CTU2: variants seen among roughly 807,000 people sequenced by gnomAD.
CTU2 encodes the protein cytosolic thiouridylase subunit 2.
Under a neutral mutation model 64.1 loss-of-function variants are expected in CTU2, and 80 were observed. That is an observed-to-expected ratio of 1.25 (90% CI 1.04 to 1.50). CTU2 has a LOEUF of 1.50. Among genes scored for constraint, CTU2 ranks in the 40% most tolerant of loss-of-function variants. The pLI, the probability that CTU2 is intolerant of heterozygous loss-of-function variation, is 0.00. For missense variants in CTU2, 1,110 were observed against 690.2 expected, an observed-to-expected ratio of 1.61 and a Z score of -6.81; for synonymous variants, 482 against 285.3, an observed-to-expected ratio of 1.69 and a Z score of -6.95.
chr16:88,707,481 T>C (rs1278973707), intron 2 of CTU2, among the ~76,000 whole-genome samples: 2 of 152,040 alleles, frequency 1.3e-5, no homozygotes, highest in Non-Finnish European at 2.9e-5. Flanking sequence ...CCGTGGTGTC[T>C]AGACTGGGAT....
intron 2 of CTU2, 64 bp downstream of exon 2, chr16:88,707,274 A>C: frequency 7.2e-7 from 1 of 1,383,418 alleles, no homozygotes; most frequent in Non-Finnish European, 1.0e-6. Context: ...GGATAGCCGC[A>C]ACTTGTGATG....
At position 88,709,939 on chromosome 16, in the gene CTU2, G is replaced by C. The variant is rs778651340; in HGVS notation, c.145G>C (p.Asp49His). ...VIRAGDAFCRDCFKAFYVHKF... is the reference protein window; with the variant it reads ...VIRAGDAFCRHCFKAFYVHKF... ...CCTCATCTCAGGTCTGTGTTGCAGGGACTGTTTCAAGGCCTTCTACGTCCA... is the reference window on the plus strand; with the variant it reads ...CCTCATCTCAGGTCTGTGTTGCAGGCACTGTTTCAAGGCCTTCTACGTCCA... The change falls in exon 3 of 15, where the codon GAC becomes CAC. Residue 49 changes from aspartate to histidine, a missense_variant and splice_region_variant. Transcript: ENST00000453996. 1 of 1,613,922 alleles carries C rather than the reference G, an allele frequency of 6.2e-7. No homozygotes were observed. The highest frequency in any genetic ancestry group is 1.1e-5 in the South Asian group (1 of 91,080).
intron 8 of CTU2, 52 bp downstream of exon 8, chr16:88,713,499 G>T: frequency 3.2e-6 from 5 of 1,549,782 alleles, no homozygotes; most frequent in Non-Finnish European, 3.5e-6. Context: ...TCACCCCTTC[G>T]GCCACCTTTA....
intron 4 of CTU2, among the ~76,000 whole-genome samples, chr16:88,711,151 G>C (rs1247302339): frequency 3.3e-5 from 5 of 152,190 alleles, no homozygotes; most frequent in Admixed American, 3.3e-4. Context: ...TGTTTTCTGA[G>C]GTCCCCTGAA....
chr16:88,711,679 A>T lies in CTU2; in HGVS notation c.327A>T (p.Gly109=), dbSNP rs538359445. 6.2e-7 allele frequency: 1 copy of T among 1,608,530 alleles called. No homozygotes were observed. Among genetic ancestry groups the T allele is most frequent in the South Asian group, 1.1e-5 (1 of 90,104 alleles). ...DSAKRLRFVA[G]VIFVDEGAAC... is the part of the protein sequence containing the mutation. ...CCAAAAGACTGCGCTTTGTGGCAGG[A>T]GTCATCTTTGTTGACGGTATGTGGG... Residue 109 remains glycine (G), a synonymous_variant, in exon 5 of 15, where the codon GGA becomes GGT. Transcript: ENST00000453996.
chr16:88,712,495 G>A (rs1002869082), intron 6 of CTU2, 112 bp downstream of exon 6: 1 of 1,450,416 alleles, frequency 6.9e-7, no homozygotes, highest in African/African-American at 1.4e-5. Context: ...GCTGTCGGTG[G>A]GGGGTGGGAG....
At chr16:88,711,362 T>C (rs1216137866) in intron 4 of CTU2, among the ~76,000 whole-genome samples, 2 of 152,122 alleles carry the variant, frequency 1.3e-5, no homozygotes, top group African/African-American at 2.4e-5. Context: ...TGGGGCGTTG[T>C]TGGGACATCC....
In CTU2 at chr16:88,714,290, G is replaced by A. The variant is rs569858310; in HGVS notation, c.1097+63G>A. 114 of 1,568,234 alleles carry A rather than the reference G, an allele frequency of 7.3e-5. No individual in the cohort carries two copies. In the African/African-American group the frequency reaches 1.1e-3, roughly 15 times the overall value. ...GTGTGTGCTGTGCGCGGGTGTGTGC[G>A]GGTGGTGAGCTCACCACTCGTGCTC... On this transcript the variant is annotated intron_variant, in intron 10 of 14. Coordinates refer to ENST00000453996, the MANE Select transcript of CTU2 (RefSeq NM_001012759.3).
In CTU2 at chr16:88,714,225, CAGGTGT is replaced by C. The variant is rs1567652121; in HGVS notation, c.1096_1097+4del. 1 of 1,471,874 alleles carries C rather than the reference CAGGTGT, an allele frequency of 6.8e-7. No individual in the cohort carries two copies. The highest frequency in any genetic ancestry group is 9.1e-7 in the Non-Finnish European group (1 of 1,103,952). 91.2% of individuals were successfully genotyped at this position (1,471,874 alleles called of 1,614,324 possible). A position where few individuals can be genotyped will look rare whatever the true frequency, so the allele number is the denominator to read the frequency against. On this transcript the variant is annotated splice_donor_variant and splice_donor_region_variant and coding_sequence_variant and intron_variant, in exon 10 of 15. Coordinates refer to ENST00000453996, the MANE Select transcript of CTU2 (RefSeq NM_001012759.3). LOFTEE classifies it high-confidence loss of function. ...TCCCCTCCACTGTCAGCACTGTGTA[CAGGTGT>C]GGGTGTGTGTGGGTGTGTGCGGGGG...
At chr16:88,712,518 GC>G in intron 6 of CTU2, 103 bp from the exon 7 acceptor site, 1 of 1,504,464 alleles carries the variant, frequency 6.6e-7, no homozygotes, top group African/African-American at 1.4e-5. Flanking sequence ...ACCTGCCCGT[GC>G]CCCAGCCTCA....
rs760416287 is a variant in CTU2, at chr16:88,714,965, A to G, written c.1419+39A>G. The G allele has an allele frequency of 7.5e-6, 12 of 1,595,476 alleles. No individual in the cohort carries two copies. The Admixed American group carries it at 1.4e-4, about 18-fold the overall frequency. On this transcript the variant is annotated intron_variant, in intron 13 of 14. Coordinates refer to ENST00000453996, the MANE Select transcript of CTU2 (RefSeq NM_001012759.3). Reference sequence around the variant, plus strand: ...CACCTGTCCTGGGCCGGGCTTGGGGACGCGGGAAGGCCGTCACCTCGTGGG... The same window carrying G: ...CACCTGTCCTGGGCCGGGCTTGGGGGCGCGGGAAGGCCGTCACCTCGTGGG...
chr16:88,707,205 C>T lies in CTU2; in HGVS notation c.138C>T (p.Phe46=). The T allele has an allele frequency of 6.2e-7, 1 of 1,613,932 alleles. No homozygotes were observed. Among genetic ancestry groups the T allele is most frequent in the South Asian group, 1.1e-5 (1 of 91,090 alleles). Residue 46 remains phenylalanine, a synonymous_variant, in exon 2 of 15, where the codon TTC becomes TTT. Transcript: ENST00000453996. ...TGGTGATACGAGCCGGAGATGCCTT[C>T]TGCAGGTGAGGCCTGGAGGTGGCTG... is the stretch of plus-strand genomic sequence containing the variant. The part of the protein sequence containing the change: ...PVVVIRAGDA[F]CRDCFKAFYV...
chr16:88,710,398 G>C, intron 4 of CTU2, 116 bp downstream of exon 4: 1 of 1,044,278 alleles, frequency 9.6e-7, no homozygotes, highest in East Asian at 2.4e-5. Context: ...TCCACCCTGC[G>C]GCCTGGACAC....
At position 88,715,063 on chromosome 16, in the gene CTU2, C is replaced by T. The variant is rs1188484011; in HGVS notation, c.1435C>T (p.Leu479=). 1.9e-6 allele frequency: 3 copies of T among 1,572,418 alleles called. No homozygotes were observed. Among genetic ancestry groups the T allele is most frequent in the African/African-American group, 2.7e-5 (2 of 74,350 alleles). The change falls in exon 14 of 15, where the codon CTG becomes TTG. Residue 479 remains leucine, a synonymous_variant. Transcript: ENST00000453996. Reference sequence around the variant, plus strand: ...TCTGTTGCAGCCCTCACTGGACCCCCTGCCGCCGTACATCCTGGCTGAGGC... The same window carrying T: ...TCTGTTGCAGCCCTCACTGGACCCCTTGCCGCCGTACATCCTGGCTGAGGC... The part of the protein sequence containing the change: ...NMKDLPSLDP[L]PPYILAEAQL...
chr16:88,706,922 C>T (rs951886864), intron 1 of CTU2: 14 of 579,714 alleles, frequency 2.4e-5, no homozygotes, highest in Non-Finnish European at 3.7e-5. Flanking sequence ...CTTTATGTGC[C>T]CCCTGAGCCG....
chr16:88,714,493 G>A lies in CTU2; in HGVS notation c.1201+7G>A. 1 of 1,612,676 alleles carries A rather than the reference G, an allele frequency of 6.2e-7. No homozygotes were observed. Among genetic ancestry groups the A allele is most frequent in the Non-Finnish European group, 8.5e-7 (1 of 1,179,888 alleles). ...CTGGACGTCGACGCCGCTGGTCTGT[G>A]TTTCATGCTCTTGGGGTGATGCGGG... On this transcript the variant is annotated splice_region_variant and intron_variant, in intron 11 of 14. Coordinates refer to ENST00000453996, the MANE Select transcript of CTU2 (RefSeq NM_001012759.3).
intron 5 of CTU2, chr16:88,711,966 C>G: frequency 1.7e-6 from 1 of 605,982 alleles, no homozygotes; most frequent in Non-Finnish European, 2.9e-6. Context: ...GGCTGCCCAG[C>G]CCCCATCACG....
At chr16:88,714,551 C>G in intron 11 of CTU2, 36 bp from the exon 12 acceptor site, 1 of 1,612,034 alleles carries the variant, frequency 6.2e-7, no homozygotes, top group Non-Finnish European at 8.5e-7. Context: ...GGGGGCTCAG[C>G]AGCCCCAGGC....
rs867588330 is a variant in CTU2, at chr16:88,713,701, C to T, written c.928C>T (p.His310Tyr). 2 of 1,612,656 alleles carry T rather than the reference C, an allele frequency of 1.2e-6. No homozygotes were observed. Among genetic ancestry groups the T allele is most frequent in the Non-Finnish European group, 1.7e-6 (2 of 1,179,890 alleles). The change falls in exon 9 of 15, where the codon CAC becomes TAC. Residue 310 changes from histidine to tyrosine, a missense_variant. His to Tyr is a moderately conservative substitution (Grantham distance 83). Transcript: ENST00000453996. Reference protein sequence around the residue: ...DVVVVRPMRDHTLKEVAFYNR... With the variant: ...DVVVVRPMRDYTLKEVAFYNR... ...GGTGGTGGTGCGGCCCATGCGGGACCACACCCTGAAGGAGGTCGCTTTCTA... is the reference window on the plus strand; with the variant it reads ...GGTGGTGGTGCGGCCCATGCGGGACTACACCCTGAAGGAGGTCGCTTTCTA...
Sources: gnomAD v4.1 joint callset for allele counts (sites outside exome capture counted in the v4.1 genomes callset) on GRCh38, gnomAD v4.1.1 for gene constraint, MANE v1.5 for transcripts, NCBI Gene and HGNC (gene_info 2026-07-23, HGNC 2026-07-21) for gene names.